The following GPR176 variants were observed in gnomAD, a reference collection of about 807,000 sequenced individuals.
GPR176 encodes the protein G protein-coupled receptor 176.
A neutral mutation model predicts 35.4 loss-of-function variants in GPR176; 26 were observed. The ratio of observed to expected loss-of-function variants is 0.74; its 90% CI spans 0.54 to 1.02. The LOEUF is 1.02. Among genes scored for constraint, GPR176 ranks in the 50% least tolerant of loss-of-function variants. The pLI is 0.00. For missense variants in GPR176, 597 were observed against 665.3 expected, an observed-to-expected ratio of 0.90 and a Z score of 1.13; for synonymous variants, 278 against 271.3, an observed-to-expected ratio of 1.02 and a Z score of -0.24.
At chr15:39,804,171 T>A (rs1025738103) in intron 2 of GPR176, among the ~76,000 whole-genome samples, 3 of 152,164 alleles carry the variant, frequency 2.0e-5, no homozygotes, top group Non-Finnish European at 4.4e-5. Flanking sequence ...GGGAAACAGA[T>A]TGCAACATAA....
At chr15:39,833,151 T>C (rs955698969) in intron 1 of GPR176, among the ~76,000 whole-genome samples, 2 of 152,080 alleles carry the variant, frequency 1.3e-5, no homozygotes, top group African/African-American at 4.8e-5. Context: ...CACTCCCAAG[T>C]ATACATATCC....
chr15:39,801,087 G>A lies in GPR176; in HGVS notation c.*45C>T. On this transcript the variant is annotated 3_prime_UTR_variant, in exon 3 of 3. Coordinates refer to ENST00000561100, the MANE Select transcript of GPR176 (RefSeq NM_007223.3). ...GCCACAGCATTCCCACACTCTGGTG[G>A]GAATATGGAAGCTCCCCGTTGCTTC... 6.6e-7 allele frequency: 1 copy of A among 1,504,596 alleles called. No homozygotes were observed. 93.2% of individuals were successfully genotyped at this position (1,504,596 alleles called of 1,614,324 possible). A position where few individuals can be genotyped will look rare whatever the true frequency, so the allele number is the denominator to read the frequency against.
intron 2 of GPR176, among the ~76,000 whole-genome samples, chr15:39,803,807 C>A (rs1034501617): frequency 6.6e-6 from 1 of 152,162 alleles, no homozygotes; most frequent in Non-Finnish European, 1.5e-5. Context: ...GGAGACACTG[C>A]AGTGGAGTCT....
chr15:39,843,018 T>C (rs1440115182), intron 1 of GPR176, among the ~76,000 whole-genome samples: 1 of 151,172 alleles, frequency 6.6e-6, no homozygotes, highest in Non-Finnish European at 1.5e-5. Context: ...CCAACAACAC[T>C]AAAAGCAGCA....
intron 1 of GPR176, among the ~76,000 whole-genome samples, chr15:39,814,234 G>C (rs1158267585): frequency 6.6e-6 from 1 of 151,946 alleles, no homozygotes; most frequent in African/African-American, 2.4e-5. Flanking sequence ...TTTCTTATTA[G>C]ACTTATGTCA....
chr15:39,848,926 A>C (rs945682692), intron 1 of GPR176, among the ~76,000 whole-genome samples: 2 of 151,110 alleles, frequency 1.3e-5, no homozygotes, highest in Non-Finnish European at 3.0e-5. Flanking sequence ...AAAAAAAAAA[A>C]AAACCTAAAA....
At chr15:39,834,978 C>T (rs1036048509) in intron 1 of GPR176, among the ~76,000 whole-genome samples, 74 of 152,022 alleles carry the variant, frequency 4.9e-4, no homozygotes, top group South Asian at 2.1e-3. Flanking sequence ...TACCTCTTAC[C>T]CTAATGTGAC....
chr15:39,829,866 C>G (rs1275590939), intron 1 of GPR176, among the ~76,000 whole-genome samples: 1 of 152,106 alleles, frequency 6.6e-6, no homozygotes, highest in Non-Finnish European at 1.5e-5. Context: ...GAGGTTCACA[C>G]AAGGATGGGT....
chr15:39,809,970 C>G (rs577644787), intron 1 of GPR176, among the ~76,000 whole-genome samples: 116 of 152,082 alleles, frequency 7.6e-4, no homozygotes, highest in African/African-American at 2.7e-3. Flanking sequence ...ATGGTGAAAC[C>G]CCGTCTCTAC....
chr15:39,861,476 G>A (rs1465379266), intron 1 of GPR176, among the ~76,000 whole-genome samples: 2 of 151,746 alleles, frequency 1.3e-5, no homozygotes, highest in Admixed American at 6.6e-5. Context: ...TTGAACCCAG[G>A]AGGCAGAGGT....
At chr15:39,908,241 C>G (rs1213318709) in intron 1 of GPR176, among the ~76,000 whole-genome samples, 1 of 152,190 alleles carries the variant, frequency 6.6e-6, no homozygotes, top group Non-Finnish European at 1.5e-5. Context: ...GCTTTATGAT[C>G]CTCCTCAGTG....
At chr15:39,885,690 T>A (rs1477856458) in intron 1 of GPR176, among the ~76,000 whole-genome samples, 2 of 152,228 alleles carry the variant, frequency 1.3e-5, no homozygotes, top group African/African-American at 4.8e-5. Flanking sequence ...TATGCATATA[T>A]CTTCTGGATC....
At chr15:39,919,216 G>A (rs1188079126) in intron 1 of GPR176, among the ~76,000 whole-genome samples, 1 of 152,098 alleles carries the variant, frequency 6.6e-6, no homozygotes, top group African/African-American at 2.4e-5. Context: ...GTGTGTGTGT[G>A]TGTTTTATCC....
At position 39,802,120 on chromosome 15, in the gene GPR176, T is replaced by C. The variant is rs1480322265; in HGVS notation, c.560A>G (p.Tyr187Cys). The change falls in exon 3 of 3, where the codon TAT becomes TGT. Residue 187 changes from tyrosine (Y) to cysteine (C), a missense_variant. Tyr to Cys is a radical substitution (Grantham distance 194). Coordinates refer to ENST00000561100, the MANE Select transcript of GPR176 (RefSeq NM_007223.3). ...GACTTCCGTGCAGGTGGACGTGGCA[T>C]AGATGTCAGCCACATTGGTTACTGC... ...VFAVTNVADI[Y>C]ATSTCTEVWS... 6.2e-7 allele frequency: 1 copy of C among 1,614,130 alleles called. No homozygotes were observed. The highest frequency in any genetic ancestry group is 8.5e-7 in the Non-Finnish European group (1 of 1,180,030).
intron 1 of GPR176, among the ~76,000 whole-genome samples, chr15:39,907,061 G>A (rs1193897686): frequency 3.9e-5 from 6 of 152,184 alleles, no homozygotes; most frequent in Admixed American, 6.5e-5. Flanking sequence ...GGGAAGACCC[G>A]TTAGAGGTGA....
intron 1 of GPR176, among the ~76,000 whole-genome samples, chr15:39,865,976 A>T (rs1024169457): frequency 2.0e-5 from 3 of 152,206 alleles, no homozygotes; most frequent in Non-Finnish European, 4.4e-5. Flanking sequence ...GAACCAGTTA[A>T]ATAAATTATA....
chr15:39,814,645 T>C (rs1241639459), intron 1 of GPR176, among the ~76,000 whole-genome samples: 5 of 152,206 alleles, frequency 3.3e-5, no homozygotes, highest in Non-Finnish European at 7.4e-5. Flanking sequence ...TCATAGTCTG[T>C]GGGGGTTGTT....
intron 1 of GPR176, among the ~76,000 whole-genome samples, chr15:39,826,862 A>G (rs546047559): frequency 2.6e-5 from 4 of 152,252 alleles, no homozygotes; most frequent in Admixed American, 2.0e-4. Context: ...TGAAATGGGG[A>G]AAAATGCAAA....
chr15:39,814,101 A>G (rs916155470), intron 1 of GPR176, among the ~76,000 whole-genome samples: 1 of 152,200 alleles, frequency 6.6e-6, no homozygotes, highest in Non-Finnish European at 1.5e-5. Flanking sequence ...CCTCACTAAA[A>G]TGTTTGCAAC....
Sources: gnomAD v4.1 joint callset for allele counts (sites outside exome capture counted in the v4.1 genomes callset) on GRCh38, gnomAD v4.1.1 for gene constraint, MANE v1.5 for transcripts, NCBI Gene and HGNC (gene_info 2026-07-23, HGNC 2026-07-21) for gene names.